The following VPS13C variants were observed in gnomAD, a reference collection of about 807,000 sequenced individuals.
VPS13C encodes the protein vacuolar protein sorting 13 homolog C.
Under a neutral mutation model 456.8 loss-of-function variants are expected in VPS13C, and 358 were observed. The ratio of observed to expected loss-of-function variants is 0.78; its 90% CI spans 0.72 to 0.86. VPS13C has a LOEUF of 0.86. Ranked by LOEUF, VPS13C falls within the 40% of genes least tolerant of loss-of-function variation. VPS13C has a pLI of 0.00. For missense variants in VPS13C, 4,818 were observed against 4,385.4 expected (o/e 1.10, Z -2.79); for synonymous variants, 1,578 against 1,486.7 (o/e 1.06, Z -1.41).
intron 65 of VPS13C, 34 bp from the exon 66 acceptor site, chr15:61,907,424 A>G (rs1308203088): frequency 1.2e-6 from 2 of 1,605,468 alleles, no homozygotes; most frequent in African/African-American, 1.3e-5. Context: ...AAATCAGAAT[A>G]TCTTGGAGAT....
At chr15:62,045,540 A>G (rs2140739895) in intron 1 of VPS13C, among the ~76,000 whole-genome samples, 1 of 152,304 alleles carries the variant, frequency 6.6e-6, no homozygotes, top group East Asian at 1.9e-4. Context: ...GTATAAGAAA[A>G]GGAAACAAAA....
intron 31 of VPS13C, 106 bp downstream of exon 31, chr15:61,964,593 G>A: frequency 9.1e-7 from 1 of 1,093,336 alleles, no homozygotes; most frequent in Non-Finnish European, 1.3e-6. Context: ...AAGAAAAGGG[G>A]AAAATGGTAT....
intron 81 of VPS13C, chr15:61,865,471 C>G: frequency 1.0e-6 from 1 of 984,086 alleles, no homozygotes; most frequent in Non-Finnish European, 1.2e-6. Context: ...TTAAACGTTG[C>G]ATGATCATAA....
At chr15:62,014,744 C>T (rs1215964781) in intron 9 of VPS13C, among the ~76,000 whole-genome samples, 1 of 152,080 alleles carries the variant, frequency 6.6e-6, no homozygotes, top group Non-Finnish European at 1.5e-5. Context: ...GTAGGTACTA[C>T]TTCAGTGAAT....
chr15:62,012,219 C>CA (rs1197800631), intron 11 of VPS13C, 55 bp from the exon 12 acceptor site: 2 of 781,518 alleles, frequency 2.6e-6, no homozygotes, highest in African/African-American at 4.0e-5. Context: ...TATTCAGACT[C>CA]AGACACACAC....
rs144577727 is a variant in VPS13C, at chr15:62,036,033, G to A, written c.188-981C>T. On this transcript the variant is annotated intron_variant, in intron 3 of 84. Coordinates refer to ENST00000644861, the MANE Select transcript of VPS13C (RefSeq NM_020821.3). ...TCCCCTCGTTCCAGGTCTCCAGGCA[G>A]CAAAATGTCCCCAATCTGCCTTACT... Among the ~76,000 whole-genome samples the A allele has an allele frequency of 9.6e-4, 146 of 152,066 alleles. 1 individual carries two copies. Among genetic ancestry groups the A allele is most frequent in the African/African-American group, 3.4e-3 (143 of 41,510 alleles).
chr15:61,937,011 T>A (rs1471685544), intron 47 of VPS13C, among the ~76,000 whole-genome samples: 1 of 152,194 alleles, frequency 6.6e-6, no homozygotes, highest in Non-Finnish European at 1.5e-5. Flanking sequence ...TATGTCTTCC[T>A]GTTCCTGGAC....
At chr15:62,022,875 A>C (rs1352593183) in intron 8 of VPS13C, among the ~76,000 whole-genome samples, 1 of 151,948 alleles carries the variant, frequency 6.6e-6, no homozygotes, top group Non-Finnish European at 1.5e-5. Context: ...AACAGTTCTT[A>C]ATCAGCTGAT....
At chr15:61,945,982 T>A in intron 44 of VPS13C, 100 bp from the exon 45 acceptor site, 1 of 1,024,684 alleles carries the variant, frequency 9.8e-7, no homozygotes, top group Non-Finnish European at 1.3e-6. Context: ...CCTTGATAAG[T>A]AGAAATATAT....
chr15:61,937,066 G>C (rs1043488862), intron 47 of VPS13C, among the ~76,000 whole-genome samples: 1 of 151,932 alleles, frequency 6.6e-6, no homozygotes, highest in East Asian at 1.9e-4. Context: ...TCTCCATTCT[G>C]TCTCTCTCTC....
intron 49 of VPS13C, 152 bp from the exon 50 acceptor site, chr15:61,931,411 A>T (rs1485455321): frequency 4.1e-6 from 3 of 729,352 alleles, no homozygotes; most frequent in African/African-American, 1.8e-5. Flanking sequence ...AACAGAGAAT[A>T]ATATGCATGT....
rs1415821845 is a variant in VPS13C, at chr15:61,983,860, A to C, written c.1874T>G (p.Leu625Arg). The C allele has an allele frequency of 6.2e-7, 1 of 1,614,148 alleles. No individual in the cohort carries two copies. The highest frequency in any genetic ancestry group is 1.7e-5 in the Admixed American group (1 of 60,022). The part of the protein sequence containing the change: ...NPEDSPADQT[L>R]IVQSQPVEVI... ...CTCCACAGGCTGGGACTGAACAATC[A>C]GAGTCTGGTCAGCAGGACTATCCTC... The change falls in exon 20 of 85, where the codon CTG (leucine) becomes CGG (arginine). Residue 625 changes from leucine to arginine, a missense_variant. By Grantham distance (102) the Leu-to-Arg change is moderately radical. This residue lies in a region of VPS13C where 4,552 missense variants were observed against 4,130.6 expected (regional missense o/e 1.10). Coordinates refer to ENST00000644861, the MANE Select transcript of VPS13C (RefSeq NM_020821.3).
At chr15:61,865,061 C>T (rs1894447206) in intron 81 of VPS13C, 1 of 984,644 alleles carries the variant, frequency 1.0e-6, no homozygotes, top group African/African-American at 1.8e-5. Context: ...CTACTAAAAA[C>T]CCACTACACT....
intron 16 of VPS13C, among the ~76,000 whole-genome samples, chr15:61,992,643 T>C (rs931529795): frequency 3.3e-5 from 5 of 152,132 alleles, no homozygotes; most frequent in Non-Finnish European, 7.4e-5. Context: ...TGTTAAACTT[T>C]TGTCACAAGC....
At chr15:62,049,994 A>G (rs959996695) in intron 1 of VPS13C, among the ~76,000 whole-genome samples, 7 of 152,110 alleles carry the variant, frequency 4.6e-5, no homozygotes, top group African/African-American at 1.2e-4. Flanking sequence ...AGCTTAAGGA[A>G]ATTTTGGGCT....
intron 82 of VPS13C, among the ~76,000 whole-genome samples, chr15:61,857,878 A>G (rs113852928): frequency 2.0e-5 from 3 of 152,206 alleles, no homozygotes; most frequent in Non-Finnish European, 2.9e-5. Context: ...CCCTGGCATT[A>G]TATTTCTCAG....
At chr15:61,946,229 T>A (rs1019382469) in intron 44 of VPS13C, 78 bp downstream of exon 44, 2 of 1,093,436 alleles carry the variant, frequency 1.8e-6, no homozygotes, top group Non-Finnish European at 2.6e-6. Context: ...AATAAATGTA[T>A]ACTGTGCAAA....
chr15:62,011,772 A>C (rs1306602976), intron 12 of VPS13C, among the ~76,000 whole-genome samples: 1 of 151,956 alleles, frequency 6.6e-6, no homozygotes, highest in African/African-American at 2.4e-5. Context: ...AGAATCTCAG[A>C]GATTTAGTTA....
rs2140179756 is a variant in VPS13C, at chr15:61,920,626, C to T, written c.7084G>A (p.Asp2362Asn). 1 of 1,581,656 alleles carries T rather than the reference C, an allele frequency of 6.3e-7. No homozygotes were observed. The highest frequency in any genetic ancestry group is 1.4e-5 in the African/African-American group (1 of 72,744). Residue 2362 changes from aspartate (D) to asparagine (N), a missense_variant, in exon 56 of 85, where the codon GAT becomes AAT. Transcript: ENST00000644861. ...TCATCTCCTGGCAGCAAACTTTTAT[C>T]CTGAACTGGGTTCTTCTTTACCTAT... Reference protein sequence around the residue: ...RLDVKKNPVQDKSLLPGDDFI... With the variant: ...RLDVKKNPVQNKSLLPGDDFI...
Sources: gnomAD v4.1 joint callset for allele counts (sites outside exome capture counted in the v4.1 genomes callset) on GRCh38, gnomAD v4.1.1 for gene constraint, gnomAD v4.1.1 regional missense constraint, MANE v1.5 for transcripts, NCBI Gene and HGNC (gene_info 2026-07-23, HGNC 2026-07-21) for gene names.